Variants in VWC2 observed in about 807,000 individuals in gnomAD.
VWC2 encodes the protein von Willebrand factor C domain containing 2.
A neutral mutation model predicts 29.8 loss-of-function variants in VWC2; 14 were observed. The observed-to-expected ratio is 0.47, with a 90% CI of 0.31 to 0.74. The LOEUF is 0.74. Among genes scored for constraint, VWC2 ranks in the 30% least tolerant of loss-of-function variants. The probability of loss-of-function intolerance (pLI) is 0.05; values close to 1 mark genes in which losing one functional copy is unlikely to be tolerated. For synonymous variants in VWC2, 213 were observed against 199.0 expected (o/e 1.07, Z -0.59); for missense variants, 457 against 459.8 (o/e 0.99, Z 0.05).
chr7:49,917,722 A>G lies in VWC2; in HGVS notation c.*5537A>G, dbSNP rs1793799214. 6.6e-6 allele frequency: 1 copy of G among 152,180 alleles called. No individual in the cohort carries two copies. Among genetic ancestry groups the G allele is most frequent in the South Asian group, 2.1e-4 (1 of 4,828 alleles). 9.4% of individuals were successfully genotyped at this position (152,180 alleles called of 1,614,324 possible). A position where few individuals can be genotyped will look rare whatever the true frequency, so the allele number is the denominator to read the frequency against. The stretch of plus-strand genomic sequence containing the variant: ...TTATATTAAGACCAACATATACATT[A>G]AAGTGTATTTAGATGATTAATATTT... On this transcript the variant is annotated 3_prime_UTR_variant, in exon 4 of 4. Coordinates refer to ENST00000340652, the MANE Select transcript of VWC2 (RefSeq NM_198570.5).
intron 3 of VWC2, among the ~76,000 whole-genome samples, chr7:49,817,641 C>G (rs1374506342): frequency 6.6e-6 from 1 of 152,176 alleles, no homozygotes; most frequent in East Asian, 1.9e-4. Flanking sequence ...GGAAGATAAA[C>G]TTCAGGTATA....
chr7:49,901,935 A>C (rs1428589331), intron 3 of VWC2, among the ~76,000 whole-genome samples: 1 of 140,564 alleles, frequency 7.1e-6, no homozygotes, highest in East Asian at 2.0e-4. Context: ...GTACAATGGA[A>C]CAATGATAGT....
chr7:49,876,574 C>A (rs1222543649), intron 3 of VWC2, among the ~76,000 whole-genome samples: 2 of 152,084 alleles, frequency 1.3e-5, no homozygotes, highest in Non-Finnish European at 2.9e-5. Flanking sequence ...CAATTAAATA[C>A]CTACTTGGAG....
At position 49,873,602 on chromosome 7, in the gene VWC2, GA is replaced by G. The variant is rs1791272356; in HGVS notation, c.827-38426del. 4.6e-5 allele frequency among the ~76,000 whole-genome samples: 7 copies of G among 152,194 alleles called. No individual in the cohort carries two copies. In the South Asian group the frequency reaches 1.5e-3, roughly 32 times the overall value. Reference sequence around the variant, plus strand: ...AGCATGAGTTGGAAGGACTTCTTTGGAAAAAAGTTTGCCAGTATATTTTAGA... The same window carrying G: ...AGCATGAGTTGGAAGGACTTCTTTGGAAAAAGTTTGCCAGTATATTTTAGA... On this transcript the variant is annotated intron_variant, in intron 3 of 3. Coordinates refer to ENST00000340652, the MANE Select transcript of VWC2 (RefSeq NM_198570.5).
chr7:49,859,106 A>G (rs897196029), intron 3 of VWC2, among the ~76,000 whole-genome samples: 34 of 152,206 alleles, frequency 2.2e-4, no homozygotes, highest in African/African-American at 8.0e-4. Flanking sequence ...TAGGAAGCAT[A>G]CCTTAGAGGA....
chr7:49,848,825 A>G (rs1457866825), intron 3 of VWC2, among the ~76,000 whole-genome samples: 1 of 152,344 alleles, frequency 6.6e-6, no homozygotes, highest in African/African-American at 2.4e-5. Context: ...ATACACTTTT[A>G]TAGTATAGTC....
chr7:49,802,864 CG>C (rs1788774746), intron 3 of VWC2, 24 bp downstream of exon 3: 1 of 1,613,758 alleles, frequency 6.2e-7, no homozygotes, highest in African/African-American at 1.3e-5. Context: ...CCGTTGGTGA[CG>C]GGGTGCACCT....
At position 49,849,936 on chromosome 7, in the gene VWC2, T is replaced by G. The variant is rs187879439; in HGVS notation, c.826+47096T>G. On this transcript the variant is annotated intron_variant, in intron 3 of 3. Transcript: ENST00000340652. ...GGTACAAAAAAATTCAGTGCAATAG[T>G]ACAGCATGGTGCACAGGAAGACTAA... Among the ~76,000 whole-genome samples the G allele has an allele frequency of 2.6e-5, 4 of 152,242 alleles. No individual in the cohort carries two copies. The East Asian group carries it at 7.7e-4, about 29-fold the overall frequency.
chr7:49,906,535 A>G (rs1021479364), intron 3 of VWC2, among the ~76,000 whole-genome samples: 5 of 152,076 alleles, frequency 3.3e-5, no homozygotes, highest in Non-Finnish European at 7.4e-5. Context: ...ATGGGGTTTC[A>G]CTGTGTTAGC....
intron 2 of VWC2, among the ~76,000 whole-genome samples, chr7:49,795,055 AT>A (rs1258025511): frequency 6.6e-6 from 1 of 152,098 alleles, no homozygotes; most frequent in Non-Finnish European, 1.5e-5. Context: ...TGACTCGTGT[AT>A]TTCTTTATAT....
intron 2 of VWC2, among the ~76,000 whole-genome samples, chr7:49,784,157 C>T (rs560456483): frequency 3.5e-4 from 54 of 152,248 alleles, no homozygotes; most frequent in African/African-American, 1.2e-3. Flanking sequence ...AATTTTATTA[C>T]ATGGATACAC....
intron 2 of VWC2, among the ~76,000 whole-genome samples, chr7:49,800,977 T>C (rs1233801965): frequency 6.6e-6 from 1 of 151,870 alleles, no homozygotes; most frequent in African/African-American, 2.4e-5. Context: ...ACCAGGTCAG[T>C]GTTTTGTCTC....
At chr7:49,789,420 C>T (rs1374960158) in intron 2 of VWC2, among the ~76,000 whole-genome samples, 1 of 114,104 alleles carries the variant, frequency 8.8e-6, no homozygotes, top group African/African-American at 2.6e-5. Context: ...ATTAACATTT[C>T]CCCCCATTGG....
chr7:49,812,346 TA>T (rs1789033536), intron 3 of VWC2, among the ~76,000 whole-genome samples: 1 of 152,198 alleles, frequency 6.6e-6, no homozygotes, highest in African/African-American at 2.4e-5. Flanking sequence ...TTGACCCTCT[TA>T]ACAAAGATAG....
Position 49,798,964 on chromosome 7 carries a change from T to C in VWC2, c.697-3747T>C, listed in dbSNP as rs547464332. On this transcript the variant is annotated intron_variant, in intron 2 of 3. Transcript: ENST00000340652. ...ACGTTTGAGCTGGATCCATGACAGG[T>C]AGGAGCTTATCAAATGTGAGCCAGC... is the stretch of plus-strand genomic sequence containing the variant. 9.9e-5 allele frequency among the ~76,000 whole-genome samples: 15 copies of C among 152,002 alleles called. No individual in the cohort carries two copies. In the South Asian group the frequency reaches 3.1e-3, roughly 32 times the overall value.
intron 3 of VWC2, among the ~76,000 whole-genome samples, chr7:49,871,852 C>T (rs1217812157): frequency 2.1e-5 from 3 of 145,830 alleles, no homozygotes; most frequent in Non-Finnish European, 4.5e-5. Flanking sequence ...TACATGTATG[C>T]ATATACATAC....
At position 49,855,937 on chromosome 7, in the gene VWC2, T is replaced by C. The variant is rs373194250; in HGVS notation, c.826+53097T>C. Among the ~76,000 whole-genome samples, 233 of 152,298 alleles carry C rather than the reference T, an allele frequency of 1.5e-3. 3 individuals carry two copies. The highest frequency in any genetic ancestry group is 5.4e-3 in the African/African-American group (223 of 41,546). ...AAACTGATGTTTCTTTCAGATCCAC[T>C]GAGAGACACTAAGCCCCACAGTTTG... On this transcript the variant is annotated intron_variant, in intron 3 of 3. Transcript: ENST00000340652.
chr7:49,851,718 C>A (rs927200027), intron 3 of VWC2, among the ~76,000 whole-genome samples: 1 of 152,122 alleles, frequency 6.6e-6, no homozygotes, highest in South Asian at 2.1e-4. Flanking sequence ...CTTAGCTGGG[C>A]GTGCTGGCAC....
At chr7:49,880,738 G>T (rs1403419349) in intron 3 of VWC2, among the ~76,000 whole-genome samples, 1 of 151,994 alleles carries the variant, frequency 6.6e-6, no homozygotes, top group South Asian at 2.1e-4. Context: ...TGTAAATGAC[G>T]AGTTAACGGA....
Sources: gnomAD v4.1 joint callset for allele counts (sites outside exome capture counted in the v4.1 genomes callset) on GRCh38, gnomAD v4.1.1 for gene constraint, MANE v1.5 for transcripts, NCBI Gene and HGNC (gene_info 2026-07-23, HGNC 2026-07-21) for gene names.